Variants in CD8B2 observed in about 807,000 individuals in gnomAD.
CD8B2 encodes CD8B family member 2.
A neutral mutation model predicts 23.7 loss-of-function variants in CD8B2; 11 were observed. The observed-to-expected ratio is 0.46, with a 90% CI of 0.29 to 0.77. The LOEUF (loss-of-function observed/expected upper bound fraction) is 0.77, where lower values mean the gene tolerates loss of function less well. Among genes scored for constraint, CD8B2 ranks in the 30% least tolerant of loss-of-function variants. CD8B2 has a pLI of 0.09. For missense variants in CD8B2, 197 were observed against 270.5 expected (o/e 0.73, Z 1.91); for synonymous variants, 90 against 109.3 (o/e 0.82, Z 1.10).
chr2:106,499,005 G>A lies in CD8B2; in HGVS notation c.493+2743G>A, dbSNP rs187760306. On this transcript the variant is annotated intron_variant, in intron 3 of 5. Transcript: ENST00000643224. ...GGCCCCAGTAAGATGAGGAAGGCTG[G>A]GCTGGGGGTGTCATTGGTGTGGCTC... is the stretch of plus-strand genomic sequence containing the variant. 1.4e-3 allele frequency among the ~76,000 whole-genome samples: 220 copies of A among 152,150 alleles called. 1 individual carries two copies. The highest frequency in any genetic ancestry group is 5.1e-3 in the African/African-American group (210 of 41,494).
At chr2:106,537,731 C>A (rs1314164446) in intron 5 of CD8B2, among the ~76,000 whole-genome samples, 1 of 152,166 alleles carries the variant, frequency 6.6e-6, no homozygotes. Context: ...TTCTAAAAGC[C>A]CTTGCAGAGG....
chr2:106,524,443 C>T (rs1459009246), intron 5 of CD8B2, among the ~76,000 whole-genome samples: 1 of 152,178 alleles, frequency 6.6e-6, no homozygotes, highest in Non-Finnish European at 1.5e-5. Context: ...AGCTGGAGAA[C>T]TGCCCTCAGC....
chr2:106,532,025 CA>C (rs1179916078), intron 5 of CD8B2, among the ~76,000 whole-genome samples: 1 of 152,262 alleles, frequency 6.6e-6, no homozygotes, highest in Non-Finnish European at 1.5e-5. Flanking sequence ...GCCAGCTGTG[CA>C]TATTGCACAC....
At chr2:106,499,056 C>T (rs960626969) in intron 3 of CD8B2, among the ~76,000 whole-genome samples, 7 of 152,026 alleles carry the variant, frequency 4.6e-5, no homozygotes, top group South Asian at 4.1e-4. Flanking sequence ...TACCCAAGCA[C>T]GTTATTTGCA....
chr2:106,498,461 C>T (rs1348223049), intron 3 of CD8B2, among the ~76,000 whole-genome samples: 1 of 152,080 alleles, frequency 6.6e-6, no homozygotes, highest in Non-Finnish European at 1.5e-5. Flanking sequence ...TGCATCATTT[C>T]TTGTACTAAC....
Position 106,509,509 on chromosome 2 carries a change from T to A in CD8B2, c.*2569T>A, listed in dbSNP as rs1679580567. ...CACTGCAGGCTTTGAAATTTGACCA[T>A]CTCCCTGCTGCTGTCTTTGCAATTG... On this transcript the variant is annotated 3_prime_UTR_variant, in exon 6 of 6. Transcript: ENST00000643224. 6.6e-6 allele frequency: 1 copy of A among 152,234 alleles called. No individual in the cohort carries two copies. The highest frequency in any genetic ancestry group is 2.1e-4 in the South Asian group (1 of 4,828). 9.4% of individuals were successfully genotyped at this position (152,234 alleles called of 1,614,324 possible). A position where few individuals can be genotyped will look rare whatever the true frequency, so the allele number is the denominator to read the frequency against.
chr2:106,518,721 CCT>C (rs1161454393), intron 5 of CD8B2, among the ~76,000 whole-genome samples: 3 of 151,908 alleles, frequency 2.0e-5, no homozygotes, highest in Admixed American at 6.5e-5. Context: ...ATCCTTTCTC[CCT>C]GTCTCCTTTT....
Position 106,507,059 on chromosome 2 carries a change from T to A in CD8B2, c.*119T>A, listed in dbSNP as rs1415631053. 6.6e-7 allele frequency: 1 copy of A among 1,505,768 alleles called. No individual in the cohort carries two copies. Among genetic ancestry groups the A allele is most frequent in the East Asian group, 2.3e-5 (1 of 43,460 alleles). The allele number at this position is 1,505,768 out of a possible 1,614,324, so 93.3% of individuals were successfully genotyped here. A position where few individuals can be genotyped will look rare whatever the true frequency, so the allele number is the denominator to read the frequency against. The stretch of plus-strand genomic sequence containing the variant: ...TGGAGAGTTCAATGGCTGCTGAAGC[T>A]GCCTGCTTTTCACTGCTGCAAGGCC... On this transcript the variant is annotated 3_prime_UTR_variant, in exon 6 of 6. Coordinates refer to ENST00000643224, the MANE Select transcript of CD8B2 (RefSeq NM_001349727.2).
At chr2:106,543,273 G>A (rs1428191389) in intron 5 of CD8B2, 1 of 152,160 alleles carries the variant, frequency 6.6e-6, no homozygotes, top group Non-Finnish European at 1.5e-5. Context: ...TGTAATCCCA[G>A]TACTTTGGGA....
chr2:106,517,710 T>G (rs1679750572), intron 5 of CD8B2, among the ~76,000 whole-genome samples: 1 of 131,790 alleles, frequency 7.6e-6, no homozygotes. Flanking sequence ...GTTTTTTTTT[T>G]GTTTTTTTGT....
chr2:106,487,425 C>T lies in CD8B2; in HGVS notation c.-2C>T, dbSNP rs1433339979. 31 of 1,244,232 alleles carry T rather than the reference C, an allele frequency of 2.5e-5. No individual in the cohort carries two copies. Among genetic ancestry groups the T allele is most frequent in the Non-Finnish European group, 2.9e-5 (29 of 995,346 alleles). 77.1% of individuals were successfully genotyped at this position (1,244,232 alleles called of 1,614,324 possible). ...GGGGCCAGGTGTCCCGGGCGCGCCC[C>T]GATGCGGCCGCGGCTGTGGCTCCTC... On this transcript the variant is annotated 5_prime_UTR_variant, in exon 1 of 6. Transcript: ENST00000643224.
intron 1 of CD8B2, among the ~76,000 whole-genome samples, chr2:106,488,776 G>T (rs1484283717): frequency 6.6e-6 from 1 of 151,848 alleles, no homozygotes; most frequent in African/African-American, 2.4e-5. Flanking sequence ...CACAGGATTT[G>T]GTGAGGATCA....
At chr2:106,531,803 G>A (rs530979924) in intron 5 of CD8B2, among the ~76,000 whole-genome samples, 56 of 152,232 alleles carry the variant, frequency 3.7e-4, no homozygotes, top group Non-Finnish European at 7.8e-4. Flanking sequence ...TTTCCTCAAG[G>A]TCTACATGAA....
chr2:106,502,986 T>C lies in CD8B2; in HGVS notation c.583+423T>C, dbSNP rs1001258452. 1.8e-4 allele frequency among the ~76,000 whole-genome samples: 27 copies of C among 150,626 alleles called. No homozygotes were observed. The Middle Eastern group carries it at 0.01, about 57-fold the overall frequency. On this transcript the variant is annotated intron_variant, in intron 4 of 5. Transcript: ENST00000643224. ...TGTCCAGAAAAGTTTGCCTATGGGG[T>C]TTGTGTTGTGTTCCTAGAAGCTAGA...
intron 1 of CD8B2, 43 bp from the exon 2 acceptor site, chr2:106,490,831 G>A: frequency 1.2e-5 from 18 of 1,548,466 alleles, no homozygotes; most frequent in Non-Finnish European, 1.6e-5. Context: ...CCACAGCTGT[G>A]GCTAGGAAAA....
chr2:106,520,870 A>T (rs1206894527), intron 5 of CD8B2, among the ~76,000 whole-genome samples: 1 of 142,066 alleles, frequency 7.0e-6, no homozygotes, highest in African/African-American at 2.7e-5. Context: ...ACTCTGTCTC[A>T]AAACAAAACA....
At position 106,510,285 on chromosome 2, in the gene CD8B2, T is replaced by C. The variant is rs1301617526; in HGVS notation, c.*3345T>C. The C allele has an allele frequency of 6.6e-6, 1 of 152,200 alleles. No homozygotes were observed. The allele number at this position is 152,200 out of a possible 1,614,324, so 9.4% of individuals were successfully genotyped here. ...AATCTGGGAATCACTTATATGAGTG[T>C]GTTTCATTAGTAAAAGTCATCAAGC... On this transcript the variant is annotated 3_prime_UTR_variant, in exon 6 of 6. Coordinates refer to ENST00000643224, the MANE Select transcript of CD8B2 (RefSeq NM_001349727.2).
intron 4 of CD8B2, among the ~76,000 whole-genome samples, chr2:106,502,935 C>T (rs1679439762): frequency 6.6e-6 from 1 of 151,974 alleles, no homozygotes; most frequent in South Asian, 2.1e-4. Context: ...TGGGAACTCA[C>T]GTGAGCAGTT....
intron 5 of CD8B2, among the ~76,000 whole-genome samples, chr2:106,532,864 A>G (rs1680009123): frequency 2.6e-5 from 4 of 152,024 alleles, no homozygotes; most frequent in African/African-American, 9.7e-5. Context: ...CTGACCTCCT[A>G]TCTCATTCTT....
Sources: allele counts gnomAD v4.1 joint callset (sites outside exome capture counted in the v4.1 genomes callset), GRCh38; gene constraint gnomAD v4.1.1; transcripts MANE v1.5; gene names NCBI Gene and HGNC (gene_info 2026-07-23, HGNC 2026-07-21).